Variants in ZAN observed in about 807,000 individuals in gnomAD.
ZAN encodes the protein zonadhesin (gene/pseudogene).
In ZAN, 260 loss-of-function variants were observed where a neutral mutation model predicts 286.2. The ratio of observed to expected loss-of-function variants is 0.91; its 90% CI spans 0.82 to 1.01. The LOEUF is 1.01. Ranked by LOEUF, ZAN falls within the 50% of genes least tolerant of loss-of-function variation. The pLI is 0.00. For missense variants in ZAN, 3,410 were observed against 3,639.2 expected (o/e 0.94, Z 1.62); for synonymous variants, 1,368 against 1,417.5 (o/e 0.97, Z 0.79).
intron 35 of ZAN, among the ~76,000 whole-genome samples, chr7:100,782,739 TGTAAAATGAG>T (rs1811276656): frequency 6.6e-6 from 1 of 151,952 alleles, no homozygotes. Context: ...TATCCTGATG[TGTAAAATGAG>T]GTATGAATCA....
At chr7:100,758,680 G>A (rs953967893) in intron 17 of ZAN, 30 bp downstream of exon 17, 1 of 1,547,736 alleles carries the variant, frequency 6.5e-7, no homozygotes, top group Non-Finnish European at 8.7e-7. Flanking sequence ...CTGCGGCCTG[G>A]GGGGAGGGTC....
chr7:100,760,975 C>G (rs1809535231), intron 19 of ZAN, among the ~76,000 whole-genome samples: 1 of 152,120 alleles, frequency 6.6e-6, no homozygotes. Context: ...CGGCTCACTG[C>G]AACCTCTGCC....
intron 35 of ZAN, 75 bp from the exon 36 acceptor site, chr7:100,784,548 T>C (rs1811431672): frequency 1.4e-6 from 2 of 1,474,908 alleles, no homozygotes; most frequent in African/African-American, 2.8e-5. Context: ...CACCCATAGC[T>C]TGGTTTGTAC....
chr7:100,775,806 T>C lies in ZAN; in HGVS notation c.6165T>C (p.Ile2055=), dbSNP rs1481874343. 1 of 1,613,790 alleles carries C rather than the reference T, an allele frequency of 6.2e-7. No individual in the cohort carries two copies. ...TTGACGGGAATCATCTCTTAGAGAT[T>C]GAAATCCCCACAACCTACTATGGAA... ...VKFDGNHLLE[I]EIPTTYYGKV... Residue 2055 remains isoleucine (I), a synonymous_variant, in exon 33 of 48, where the codon ATT becomes ATC. Transcript: ENST00000613979.
In ZAN at chr7:100,736,351, GCGCCA is replaced by G. The variant is rs965715511; in HGVS notation, c.107-130_107-126del. 54 of 1,081,268 alleles carry G rather than the reference GCGCCA, an allele frequency of 5.0e-5. 3 individuals are homozygous for G. The Admixed American group carries it at 9.5e-4, about 19-fold the overall frequency. The allele number at this position is 1,081,268 out of a possible 1,614,324, so 67.0% of individuals were successfully genotyped here. ...CCCCAGTAGCTGGGACTACAGGTGT[GCGCCA>G]CCACACCCGGCTGATTTCATGGCAG... is the stretch of plus-strand genomic sequence containing the variant. On this transcript the variant is annotated intron_variant, in intron 3 of 47. Transcript: ENST00000613979.
In ZAN at chr7:100,765,439, G is replaced by C. The variant is rs1416699213; in HGVS notation, c.4355G>C (p.Cys1452Ser). Residue 1452 changes from cysteine (C) to serine (S), a missense_variant, in exon 23 of 48, where the codon TGC (cysteine) becomes TCC (serine). By Grantham distance (112) the Cys-to-Ser change is moderately radical. Transcript: ENST00000613979. ...CATTCAGGATTCTCCGGCATGTTCT[G>C]CTCAGACCGGTGCGTGGAGGCCTGT... is the stretch of plus-strand genomic sequence containing the variant. ...TCHSGFSGMF[C>S]SDRCVEACEC... is the part of the protein sequence containing the mutation. 1.2e-6 allele frequency: 2 copies of C among 1,613,904 alleles called. No individual in the cohort carries two copies. Among genetic ancestry groups the C allele is most frequent in the South Asian group, 2.2e-5 (2 of 91,044 alleles).
intron 36 of ZAN, 115 bp from the exon 37 acceptor site, chr7:100,785,882 C>T (rs866837833): frequency 1.5e-6 from 2 of 1,366,554 alleles, no homozygotes; most frequent in Non-Finnish European, 2.0e-6. Context: ...TCGTCACAAA[C>T]TCCTGACCTC....
intron 28 of ZAN, 58 bp from the exon 29 acceptor site, chr7:100,771,786 A>G: frequency 6.5e-7 from 1 of 1,545,800 alleles, no homozygotes; most frequent in Non-Finnish European, 8.8e-7. Context: ...GGGAAGCCAC[A>G]TGGCCCTGTT....
Position 100,784,768 on chromosome 7 carries a change from GAGTGAAGACA to G in ZAN, c.6773_6782del (p.Glu2258ValfsTer93), listed in dbSNP as rs1270104105. The G allele has an allele frequency of 2.0e-5, 32 of 1,613,632 alleles. No homozygotes were observed. Among genetic ancestry groups the G allele is most frequent in the Non-Finnish European group, 2.5e-5 (29 of 1,179,806 alleles). On this transcript the variant is annotated frameshift_variant, in exon 36 of 48. Coordinates refer to ENST00000613979, the MANE Select transcript of ZAN (RefSeq NM_003386.3). LOFTEE classifies it high-confidence loss of function. ...GCATTTGTCAGCCCGGCTATGTGCT[GAGTGAAGACA>G]AGTGTGTCCCCAGAAGTCAGTGTGG...
chr7:100,775,564 C>T lies in ZAN; in HGVS notation c.6016C>T (p.His2006Tyr), dbSNP rs1243515279. The change falls in exon 32 of 48, where the codon CAC becomes TAC. Residue 2006 changes from histidine (H) to tyrosine (Y), a missense_variant. His to Tyr is a moderately conservative substitution (Grantham distance 83, BLOSUM62 2). Transcript: ENST00000613979. ...TGCCCAGGTCACCCTGCAGAAGGGC[C>T]ACCGTGTGCTAGTGAGCTGGGTGTG... Reference protein sequence around the residue: ...YDAQVTLQKGHRVLINSKQVT... With the variant: ...YDAQVTLQKGYRVLINSKQVT... 6.2e-7 allele frequency: 1 copy of T among 1,613,528 alleles called. No individual in the cohort carries two copies. Among genetic ancestry groups the T allele is most frequent in the Admixed American group, 1.7e-5 (1 of 59,964 alleles).
At chr7:100,768,043 G>A (rs754092444) in intron 26 of ZAN, 32 bp downstream of exon 26, 69 of 1,594,360 alleles carry the variant, frequency 4.3e-5, no homozygotes, top group Non-Finnish European at 5.8e-5. Context: ...GGGGAAAGCT[G>A]GGACAATGAG....
chr7:100,753,814 C>T (rs1808958033), intron 14 of ZAN, among the ~76,000 whole-genome samples: 1 of 112,090 alleles, frequency 8.9e-6, no homozygotes, highest in African/African-American at 3.4e-5. Flanking sequence ...GCTTGGGCAA[C>T]AGAGCAAGAC....
chr7:100,768,784 A>G, intron 27 of ZAN, 63 bp downstream of exon 27: 1 of 1,401,052 alleles, frequency 7.1e-7, no homozygotes, highest in Non-Finnish European at 9.7e-7. Flanking sequence ...CTCGGGGGGC[A>G]GCTTGGAAGT....
intron 42 of ZAN, among the ~76,000 whole-genome samples, chr7:100,792,982 C>CAAAAAAAAAAAAAAAAAAAAAAAAAAAA (rs1232116032): frequency 9.8e-5 from 5 of 50,946 alleles, no homozygotes; most frequent in African/African-American, 1.7e-4. Flanking sequence ...CATCCTATCT[C>CAAAAAAAAAAAAAAAAAAAAAAAAAAAA]AAAAAAAAAA....
At chr7:100,790,455 G>A (rs1250851966) in intron 39 of ZAN, among the ~76,000 whole-genome samples, 5 of 151,474 alleles carry the variant, frequency 3.3e-5, no homozygotes, top group African/African-American at 9.7e-5. Context: ...CCAGCTACTC[G>A]TGAGGCTGAG....
intron 31 of ZAN, among the ~76,000 whole-genome samples, chr7:100,774,202 A>C (rs1810600007): frequency 1.3e-5 from 2 of 152,210 alleles, no homozygotes; most frequent in African/African-American, 2.4e-5. Flanking sequence ...CAGCCTGACC[A>C]ACATGGCTAA....
chr7:100,736,365 G>A lies in ZAN; in HGVS notation c.107-118G>A, dbSNP rs750926323. 3.8e-5 allele frequency: 46 copies of A among 1,196,376 alleles called. 10 individuals carry two copies. The highest frequency in any genetic ancestry group is 1.9e-4 in the Middle Eastern group (1 of 5,374). 74.1% of individuals were successfully genotyped at this position (1,196,376 alleles called of 1,614,324 possible). A position where few individuals can be genotyped will look rare whatever the true frequency, so the allele number is the denominator to read the frequency against. On this transcript the variant is annotated intron_variant, in intron 3 of 47. Transcript: ENST00000613979. ...ACTACAGGTGTGCGCCACCACACCCGGCTGATTTCATGGCAGCTTTCTCTA... is the reference window on the plus strand; with the variant it reads ...ACTACAGGTGTGCGCCACCACACCCAGCTGATTTCATGGCAGCTTTCTCTA...
chr7:100,783,787 C>CAAACAT (rs1182700250), intron 35 of ZAN, among the ~76,000 whole-genome samples: 1 of 11,028 alleles, frequency 9.1e-5, no homozygotes, highest in East Asian at 2.2e-3. Flanking sequence ...TATATATACA[C>CAAACAT]ATATATATAT....
chr7:100,748,441 T>C lies in ZAN; in HGVS notation c.1220T>C (p.Met407Thr). The C allele has an allele frequency of 1.2e-6, 2 of 1,613,462 alleles. No homozygotes were observed. The highest frequency in any genetic ancestry group is 1.7e-6 in the Non-Finnish European group (2 of 1,179,686). The change falls in exon 11 of 48, where the codon ATG becomes ACG. Residue 407 changes from methionine to threonine, a missense_variant. Met to Thr is a moderately conservative substitution (Grantham distance 81). Transcript: ENST00000613979. ...LGHKNGPVHG[M>T]GPAGGFPNAG... ...CATAAAAATGGACCCGTCCATGGCA[T>C]GGGCCCTGCGGGAGGTTTCCCTAAT...
Sources: allele counts gnomAD v4.1 joint callset (sites outside exome capture counted in the v4.1 genomes callset), GRCh38; gene constraint gnomAD v4.1.1; transcripts MANE v1.5; gene names NCBI Gene and HGNC (gene_info 2026-07-23, HGNC 2026-07-21).